The following GAMT variants were observed in gnomAD, a reference collection of about 807,000 sequenced individuals.
The protein encoded by GAMT is epididymis secretory protein Li 20.
GAMT carries 26 observed loss-of-function variants against 26.9 expected under a neutral mutation model. The observed-to-expected ratio is 0.97, with a 90% confidence interval of 0.71 to 1.34. GAMT has a LOEUF of 1.34. GAMT is among the 40% of genes most tolerant of loss of function. The probability of loss-of-function intolerance (pLI) is 0.00; values close to 1 mark genes in which losing one functional copy is unlikely to be tolerated. For missense variants in GAMT, 412 were observed against 345.0 expected (o/e 1.19, Z -1.54); for synonymous variants, 169 against 149.6 (o/e 1.13, Z -0.95).
Position 1,399,465 on chromosome 19 carries a change from G to T in GAMT, c.391+59C>A. ...CATCAGAGGGACCCCCACAAGCAAA[G>T]GAGGGGCTGCATTGGAGCTGGGGAG... On this transcript the variant is annotated intron_variant, in intron 3 of 5. Coordinates refer to ENST00000252288, the MANE Select transcript of GAMT (RefSeq NM_000156.6). The surrounding 1 kb of genome is among the most constrained non-coding windows in gnomAD (Gnocchi z 6.2). The T allele has an allele frequency of 6.8e-7, 1 of 1,479,744 alleles. No individual in the cohort carries two copies. Among genetic ancestry groups the T allele is most frequent in the East Asian group, 2.3e-5 (1 of 43,048 alleles). The allele number at this position is 1,479,744 out of a possible 1,614,324, so 91.7% of individuals were successfully genotyped here.
chr19:1,398,794 C>T (rs752359312), intron 5 of GAMT, 122 bp downstream of exon 5: 4 of 1,554,440 alleles, frequency 2.6e-6, no homozygotes, highest in African/African-American at 1.4e-5. Flanking sequence ...CAGCACAGTC[C>T]AGCCCACCCA....
In GAMT at chr19:1,401,494, G is replaced by T. The variant is rs1600160786; in HGVS notation, c.-18C>A. The T allele has an allele frequency of 1.5e-6, 2 of 1,302,670 alleles. No individual in the cohort carries two copies. Among genetic ancestry groups the T allele is most frequent in the South Asian group, 4.3e-5 (2 of 46,222 alleles). 80.7% of individuals were successfully genotyped at this position (1,302,670 alleles called of 1,614,324 possible). On this transcript the variant is annotated 5_prime_UTR_variant, in exon 1 of 6. Coordinates refer to ENST00000252288, the MANE Select transcript of GAMT (RefSeq NM_000156.6). The stretch of plus-strand genomic sequence containing the variant: ...GCGCTCATGCTGCAGGCTGGACGGC[G>T]ACCCGACCTCGATCGCGCGCCGCCC...
At chr19:1,398,074 G>A (rs1181953159) in intron 5 of GAMT, 1 of 997,186 alleles carries the variant, frequency 1.0e-6, no homozygotes, top group East Asian at 1.1e-4. Flanking sequence ...TGTTGAGCTG[G>A]TGAGGGACTT....
chr19:1,401,236 C>A, intron 1 of GAMT, 60 bp downstream of exon 1: 1 of 1,305,002 alleles, frequency 7.7e-7, no homozygotes, highest in South Asian at 1.8e-5. Flanking sequence ...CGGGTCGGGG[C>A]AGCCCCGGCC....
In GAMT at chr19:1,397,178, G is replaced by T; in HGVS notation, c.*181C>A. 1 of 715,292 alleles carries T rather than the reference G, an allele frequency of 1.4e-6. No individual in the cohort carries two copies. The allele number at this position is 715,292 out of a possible 1,614,324, so 44.3% of individuals were successfully genotyped here. ...GCAGTGACCCTCACAGAGAAGCTGG[G>T]AAAGCTGCTGGTGACACACAGCTGG... On this transcript the variant is annotated 3_prime_UTR_variant, in exon 6 of 6. Coordinates refer to ENST00000252288, the MANE Select transcript of GAMT (RefSeq NM_000156.6).
intron 5 of GAMT, chr19:1,398,406 A>AT (rs1004290291): frequency 3.1e-3 from 987 of 317,322 alleles, no homozygotes; most frequent in South Asian, 5.7e-3. Context: ...CCTGATTTCC[A>AT]TTTTTTTTTT....
chr19:1,401,539 G>C lies in GAMT; in HGVS notation c.-63C>G. On this transcript the variant is annotated 5_prime_UTR_variant, in exon 1 of 6. Coordinates refer to ENST00000252288, the MANE Select transcript of GAMT (RefSeq NM_000156.6). ...CCGCCCGGGCCCGCTCCCTGCAGGG[G>C]CTTGTGGGCCGGGGGCGGGTCCAAC... The C allele has an allele frequency of 8.7e-7, 1 of 1,146,764 alleles. No homozygotes were observed. 71.0% of individuals were successfully genotyped at this position (1,146,764 alleles called of 1,614,324 possible). A position where few individuals can be genotyped will look rare whatever the true frequency, so the allele number is the denominator to read the frequency against.
At chr19:1,400,299 G>A (rs2082626804) in intron 1 of GAMT, among the ~76,000 whole-genome samples, 1 of 151,412 alleles carries the variant, frequency 6.6e-6, no homozygotes, top group Admixed American at 6.6e-5. Flanking sequence ...TGAGCTGGGG[G>A]TCTGCTTGGA....
chr19:1,398,596 C>G lies in GAMT; in HGVS notation c.570+320G>C, dbSNP rs2082614156. ...GAGTACAGGCACACGCCACCACGCC[C>G]AGCTAGTTTTTTGTATTTTTTTTTT... On this transcript the variant is annotated intron_variant, in intron 5 of 5. Coordinates refer to ENST00000252288, the MANE Select transcript of GAMT (RefSeq NM_000156.6). 5.4e-6 allele frequency: 4 copies of G among 746,662 alleles called. No homozygotes were observed. The East Asian group carries it at 1.1e-4, about 20-fold the overall frequency. 46.3% of individuals were successfully genotyped at this position (746,662 alleles called of 1,614,324 possible). A position where few individuals can be genotyped will look rare whatever the true frequency, so the allele number is the denominator to read the frequency against.
chr19:1,398,093 A>T, intron 5 of GAMT: 2 of 993,262 alleles, frequency 2.0e-6, no homozygotes, highest in Non-Finnish European at 2.4e-6. Context: ...TTTGATTTCC[A>T]TTTTTTTTGT....
chr19:1,397,247 A>G lies in GAMT; in HGVS notation c.*112T>C. 7.6e-7 allele frequency: 1 copy of G among 1,312,460 alleles called. No individual in the cohort carries two copies. The highest frequency in any genetic ancestry group is 1.0e-6 in the Non-Finnish European group (1 of 953,324). 81.3% of individuals were successfully genotyped at this position (1,312,460 alleles called of 1,614,324 possible). On this transcript the variant is annotated 3_prime_UTR_variant, in exon 6 of 6. Coordinates refer to ENST00000252288, the MANE Select transcript of GAMT (RefSeq NM_000156.6). Reference sequence around the variant, plus strand: ...GGGACCCCTCACAGAGAAGCCGGGAAAGCTTCTGGTGACACACAGCTGGGA... The same window carrying G: ...GGGACCCCTCACAGAGAAGCCGGGAGAGCTTCTGGTGACACACAGCTGGGA...
At position 1,399,830 on chromosome 19, in the gene GAMT, T is replaced by C. The variant is rs773283573; in HGVS notation, c.290A>G (p.Gln97Arg). 1 of 1,587,464 alleles carries C rather than the reference T, an allele frequency of 6.3e-7. No individual in the cohort carries two copies. Among genetic ancestry groups the C allele is most frequent in the Non-Finnish European group, 8.6e-7 (1 of 1,167,580 alleles). Reference sequence around the variant, plus strand: ...CCGTGGGGCCCAGTCCCGGAGCCGCTGGAAGACGCCGTCATTGCACTCGAT... The same window carrying C: ...CCGTGGGGCCCAGTCCCGGAGCCGCCGGAAGACGCCGTCATTGCACTCGAT... ...WIIECNDGVF[Q>R]RLRDWAPRQT... Residue 97 changes from glutamine (Q) to arginine (R), a missense_variant, in exon 2 of 6, where the codon CAG becomes CGG. Coordinates refer to ENST00000252288, the MANE Select transcript of GAMT (RefSeq NM_000156.6). This position sits in a 1 kb window ranked among gnomAD's most constrained non-coding sequence, Gnocchi z 6.2.
At chr19:1,397,599 C>T (rs756114965) in intron 5 of GAMT, 100 bp from the exon 6 acceptor site, 139 of 1,542,918 alleles carry the variant, frequency 9.0e-5, no homozygotes, top group Admixed American at 8.6e-5. Flanking sequence ...TGGCAAGGCC[C>T]GGGTGGGCGG....
At position 1,399,003 on chromosome 19, in the gene GAMT, C is replaced by T; in HGVS notation, c.483G>A (p.Lys161=). The change falls in exon 5 of 6, where the codon AAG becomes AAA. Residue 161 remains lysine, a synonymous_variant. Transcript: ENST00000252288. This position sits in a 1 kb window ranked among gnomAD's most constrained non-coding sequence, Gnocchi z 6.2. ...FIKNHAFRLL[K]PGGVLTYCNL... is the part of the protein sequence containing the mutation. ...TGCAGTAGGTGAGGACGCCCCCCGG[C>T]TTCAGCAGGCGAAAGGCGTGGTTCT... is the stretch of plus-strand genomic sequence containing the variant. The T allele has an allele frequency of 1.2e-6, 2 of 1,613,440 alleles. No homozygotes were observed. Among genetic ancestry groups the T allele is most frequent in the Non-Finnish European group, 1.7e-6 (2 of 1,179,998 alleles).
In GAMT at chr19:1,401,512, C is replaced by A. The variant is rs2082634375; in HGVS notation, c.-36G>T. The A allele has an allele frequency of 6.2e-6, 8 of 1,284,388 alleles. No homozygotes were observed. The highest frequency in any genetic ancestry group is 7.9e-6 in the Non-Finnish European group (8 of 1,014,304). The allele number at this position is 1,284,388 out of a possible 1,614,324, so 79.6% of individuals were successfully genotyped here. On this transcript the variant is annotated 5_prime_UTR_variant, in exon 1 of 6. Transcript: ENST00000252288. The stretch of plus-strand genomic sequence containing the variant: ...GGACGGCGACCCGACCTCGATCGCG[C>A]GCCGCCCGGGCCCGCTCCCTGCAGG...
At chr19:1,400,101 G>C (rs1160949560) in intron 1 of GAMT, among the ~76,000 whole-genome samples, 163 bp from the exon 2 acceptor site, 1 of 146,852 alleles carries the variant, frequency 6.8e-6, no homozygotes, top group Non-Finnish European at 1.5e-5. Flanking sequence ...AGCAGGGCTG[G>C]AGAGGCTGCC....
At chr19:1,398,426 T>G in intron 5 of GAMT, 1 of 362,712 alleles carries the variant, frequency 2.8e-6, no homozygotes, top group Non-Finnish European at 4.9e-6. Context: ...TAAATTTTCT[T>G]TCTTTCTTTC....
chr19:1,399,779 G>A lies in GAMT; in HGVS notation c.327+14C>T, dbSNP rs573862813. ...GGAGTGGGGGTCCTGGAGGGCCTGC[G>A]GGCAGAGGGGCACCTTGTGTGTCTG... On this transcript the variant is annotated intron_variant, in intron 2 of 5. Coordinates refer to ENST00000252288, the MANE Select transcript of GAMT (RefSeq NM_000156.6). The surrounding 1 kb of genome is among the most constrained non-coding windows in gnomAD (Gnocchi z 6.2). 13 of 1,552,460 alleles carry A rather than the reference G, an allele frequency of 8.4e-6. No individual in the cohort carries two copies. Among genetic ancestry groups the A allele is most frequent in the South Asian group, 7.1e-5 (6 of 84,802 alleles).
chr19:1,398,407 T>G, intron 5 of GAMT: 2 of 290,814 alleles, frequency 6.9e-6, no homozygotes, highest in Non-Finnish European at 1.3e-5. Context: ...CTGATTTCCA[T>G]TTTTTTTTTA....
Sources: gnomAD v4.1 joint callset for allele counts (sites outside exome capture counted in the v4.1 genomes callset) on GRCh38, gnomAD v4.1.1 for gene constraint, Gnocchi (gnomAD v3.1) non-coding constraint, MANE v1.5 for transcripts, NCBI Gene and HGNC (gene_info 2026-07-23, HGNC 2026-07-21) for gene names.